Variants in LCLAT1 observed in about 807,000 individuals in gnomAD.
The protein encoded by LCLAT1 is 1-AGP acyltransferase 8.
Under a neutral mutation model 30.7 loss-of-function variants are expected in LCLAT1, and 11 were observed. That is an observed-to-expected ratio of 0.36 (90% CI 0.23 to 0.59). The LOEUF (loss-of-function observed/expected upper bound fraction) is 0.59, where lower values mean the gene tolerates loss of function less well. Ranked by LOEUF, LCLAT1 falls within the 20% of genes least tolerant of loss-of-function variation. The pLI, the probability that LCLAT1 is intolerant of heterozygous loss-of-function variation, is 0.77. For missense variants in LCLAT1, 402 were observed against 458.6 expected (o/e 0.88, Z 1.13); for synonymous variants, 155 against 151.3 (o/e 1.02, Z -0.18).
At chr2:30,480,815 G>A (rs1281550988) in intron 1 of LCLAT1, among the ~76,000 whole-genome samples, 3 of 152,136 alleles carry the variant, frequency 2.0e-5, no homozygotes, top group East Asian at 3.8e-4. Context: ...GGATATAATA[G>A]TGCACAATAT....
At chr2:30,519,845 C>T (rs4952139) in intron 1 of LCLAT1, among the ~76,000 whole-genome samples, 25,518 of 152,058 alleles carry the variant, frequency 0.17, 2,332 homozygotes, top group South Asian at 0.23. Flanking sequence ...TTCTGGTCCA[C>T]GTTTGTTACT....
chr2:30,518,004 A>C (rs1685272044), intron 1 of LCLAT1, among the ~76,000 whole-genome samples: 1 of 152,190 alleles, frequency 6.6e-6, no homozygotes, highest in Non-Finnish European at 1.5e-5. Flanking sequence ...AGATGGCTCA[A>C]ATGCATTCAA....
At position 30,568,092 on chromosome 2, in the gene LCLAT1, G is replaced by GA; in HGVS notation, c.551dup (p.Asn184LysfsTer7). On this transcript the variant is annotated frameshift_variant, in exon 5 of 6. Coordinates refer to ENST00000379509, the MANE Select transcript of LCLAT1 (RefSeq NM_001002257.3). LOFTEE classifies it high-confidence loss of function. ...CAAGTCTCGAAGTAATGCATTTGCT[G>GA]AAAAAAATGGACTTCAGAAATATGA... is the stretch of plus-strand genomic sequence containing the variant. 6 of 1,601,352 alleles carry GA rather than the reference G, an allele frequency of 3.7e-6. No individual in the cohort carries two copies. Among genetic ancestry groups the GA allele is most frequent in the Admixed American group, 1.7e-5 (1 of 58,776 alleles).
At chr2:30,473,048 C>T (rs1424237863) in intron 1 of LCLAT1, among the ~76,000 whole-genome samples, 1 of 151,984 alleles carries the variant, frequency 6.6e-6, no homozygotes, top group Non-Finnish European at 1.5e-5. Context: ...TATTTGTGTA[C>T]CATATATCCA....
chr2:30,533,802 G>A (rs1686097778), intron 3 of LCLAT1, among the ~76,000 whole-genome samples: 1 of 152,004 alleles, frequency 6.6e-6, no homozygotes, highest in Non-Finnish European at 1.5e-5. Flanking sequence ...TATCGCGCTT[G>A]TATAATATAA....
At chr2:30,491,730 T>C in intron 1 of LCLAT1, among the ~76,000 whole-genome samples, 1 of 152,232 alleles carries the variant, frequency 6.6e-6, no homozygotes, top group East Asian at 1.9e-4. Flanking sequence ...AGGCTGGTTG[T>C]TTATGCCTTA....
At position 30,581,953 on chromosome 2, in the gene LCLAT1, C is replaced by T. The variant is rs982761304; in HGVS notation, c.628+13777C>T. ...TAAGTGTTTGAGGTAATGGATATGC[C>T]AGTTACTGATCTGATCATTACACAT... On this transcript the variant is annotated intron_variant, in intron 5 of 5. Coordinates refer to ENST00000379509, the MANE Select transcript of LCLAT1 (RefSeq NM_001002257.3). Among the ~76,000 whole-genome samples the T allele has an allele frequency of 3.3e-5, 5 of 152,248 alleles. No homozygotes were observed. The East Asian group carries it at 9.6e-4, about 29-fold the overall frequency.
intron 1 of LCLAT1, among the ~76,000 whole-genome samples, chr2:30,498,992 A>C (rs1185830541): frequency 6.6e-6 from 1 of 152,176 alleles, no homozygotes; most frequent in Admixed American, 6.5e-5. Context: ...TCTGGATAAA[A>C]ATTTTCTTAG....
At chr2:30,489,934 T>C (rs1461181890) in intron 1 of LCLAT1, among the ~76,000 whole-genome samples, 2 of 152,254 alleles carry the variant, frequency 1.3e-5, no homozygotes, top group Non-Finnish European at 2.9e-5. Flanking sequence ...TTAATCTAGC[T>C]ATATCAGCTT....
At chr2:30,533,489 T>A (rs1360803263) in intron 3 of LCLAT1, among the ~76,000 whole-genome samples, 175 bp downstream of exon 3, 2 of 152,236 alleles carry the variant, frequency 1.3e-5, no homozygotes, top group Non-Finnish European at 2.9e-5. Flanking sequence ...TATTTTAATC[T>A]GTTTTTAAAA....
At chr2:30,637,269 G>A (rs1376784160) in intron 5 of LCLAT1, among the ~76,000 whole-genome samples, 2 of 151,858 alleles carry the variant, frequency 1.3e-5, no homozygotes, top group African/African-American at 2.4e-5. Context: ...AGCTTGTACT[G>A]TCTAGTCAAG....
At chr2:30,517,873 G>A (rs180762896) in intron 1 of LCLAT1, among the ~76,000 whole-genome samples, 16 of 152,230 alleles carry the variant, frequency 1.1e-4, no homozygotes, top group East Asian at 1.9e-4. Context: ...GATCCTCTCC[G>A]TGACCCTGTA....
chr2:30,478,798 C>T (rs1179467082), intron 1 of LCLAT1, among the ~76,000 whole-genome samples: 1 of 152,146 alleles, frequency 6.6e-6, no homozygotes, highest in Non-Finnish European at 1.5e-5. Context: ...TAATCTTTGG[C>T]ATAGTATTTG....
chr2:30,480,275 G>T (rs934351680), intron 1 of LCLAT1, among the ~76,000 whole-genome samples: 1 of 151,990 alleles, frequency 6.6e-6, no homozygotes, highest in Non-Finnish European at 1.5e-5. Flanking sequence ...GCAGTGGCTC[G>T]ATCTTGGATA....
intron 3 of LCLAT1, 70 bp downstream of exon 3, chr2:30,533,384 C>A: frequency 1.5e-6 from 2 of 1,325,490 alleles, no homozygotes; most frequent in Non-Finnish European, 2.2e-6. Context: ...GTAAAACTGA[C>A]TTAAGCATTA....
intron 3 of LCLAT1, among the ~76,000 whole-genome samples, chr2:30,545,516 A>G (rs895969371): frequency 2.6e-5 from 4 of 152,322 alleles, no homozygotes; most frequent in Non-Finnish European, 5.9e-5. Flanking sequence ...TATAAAAGCA[A>G]TAGACCTATG....
rs1370714198 is a variant in LCLAT1, at chr2:30,606,057, G to A, written c.629-34060G>A. Reference sequence around the variant, plus strand: ...GGGAAGTAAAGGACCACTTCAAGGAGAACTACAAATCACTGCTCAAGGAAA... The same window carrying A: ...GGGAAGTAAAGGACCACTTCAAGGAAAACTACAAATCACTGCTCAAGGAAA... On this transcript the variant is annotated intron_variant, in intron 5 of 5. Coordinates refer to ENST00000379509, the MANE Select transcript of LCLAT1 (RefSeq NM_001002257.3). 4 of 1,293,542 alleles carry A rather than the reference G, an allele frequency of 3.1e-6. No individual in the cohort carries two copies. In the East Asian group the frequency reaches 1.7e-4, roughly 56 times the overall value. 80.1% of individuals were successfully genotyped at this position (1,293,542 alleles called of 1,614,324 possible).
intron 1 of LCLAT1, chr2:30,476,727 A>C (rs185276554): frequency 5.2e-5 from 16 of 305,428 alleles, no homozygotes; most frequent in African/African-American, 2.0e-4. Flanking sequence ...TGAATCCTGA[A>C]ACCACCCCTT....
intron 5 of LCLAT1, among the ~76,000 whole-genome samples, chr2:30,572,577 A>C (rs1157977274): frequency 6.6e-6 from 1 of 152,164 alleles, no homozygotes; most frequent in Non-Finnish European, 1.5e-5. Flanking sequence ...CCGTTTAGCA[A>C]CTTTCACAGG....
Sources: allele counts gnomAD v4.1 joint callset (sites outside exome capture counted in the v4.1 genomes callset), GRCh38; gene constraint gnomAD v4.1.1; transcripts MANE v1.5; gene names NCBI Gene and HGNC (gene_info 2026-07-23, HGNC 2026-07-21).